Variants in IKBIP observed in about 807,000 individuals in gnomAD.
The protein encoded by IKBIP is IKBKB interacting protein, also known as inhibitor of nuclear factor kappa-B kinase-interacting protein.
IKBIP carries 28 observed loss-of-function variants against 31.0 expected under a neutral mutation model. That is an observed-to-expected ratio of 0.90 (90% CI 0.67 to 1.24). The LOEUF (loss-of-function observed/expected upper bound fraction) is 1.24, where lower values mean the gene tolerates loss of function less well. IKBIP is among the 50% of genes most tolerant of loss of function. IKBIP has a pLI of 0.00. For synonymous variants in IKBIP, 164 were observed against 160.3 expected (o/e 1.02, Z -0.17); for missense variants, 453 against 441.9 (o/e 1.03, Z -0.23).
At chr12:98,639,063 T>C (rs2097628288) in intron 1 of IKBIP, among the ~76,000 whole-genome samples, 1 of 152,076 alleles carries the variant, frequency 6.6e-6, no homozygotes, top group Non-Finnish European at 1.5e-5. Context: ...TTTTTGGAGA[T>C]GGAGTCTCAC....
exon 3 of IKBIP, chr12:98,614,303 G>C (rs777373034): frequency 6.3e-7 from 1 of 1,592,562 alleles, no homozygotes. Context: ...TATTTGAAAA[G>C]ACTTCAATTG....
At chr12:98,633,283 C>G (rs950934204) in intron 2 of IKBIP, among the ~76,000 whole-genome samples, 2 of 152,232 alleles carry the variant, frequency 1.3e-5, no homozygotes, top group African/African-American at 4.8e-5. Context: ...TACATGATGC[C>G]TTATTGATCA....
At chr12:98,622,471 G>T (rs2097610896), downstream of IKBIP, among the ~76,000 whole-genome samples, 1 of 152,130 alleles carries the variant, frequency 6.6e-6, no homozygotes, top group Non-Finnish European at 1.5e-5. Context: ...GTGGTGAGCA[G>T]TGCTCACGCC....
At chr12:98,629,485 A>G (rs1229073093) in intron 2 of IKBIP, among the ~76,000 whole-genome samples, 1 of 152,096 alleles carries the variant, frequency 6.6e-6, no homozygotes, top group East Asian at 1.9e-4. Flanking sequence ...CTTGAGCCCA[A>G]GAGTTCAGGG....
At chr12:98,613,910 T>C in exon 3 of IKBIP, 4 of 1,613,824 alleles carry the variant, frequency 2.5e-6, no homozygotes, top group Non-Finnish European at 3.4e-6. Flanking sequence ...TAGCGTCTTC[T>C]TAACAGAGTT....
chr12:98,632,182 GT>G (rs1437687573), intron 2 of IKBIP, among the ~76,000 whole-genome samples: 4 of 151,782 alleles, frequency 2.6e-5, no homozygotes, highest in South Asian at 2.1e-4. Flanking sequence ...AATATGTGAA[GT>G]TTTGGCAAGG....
chr12:98,625,966 A>G lies in IKBIP; in HGVS notation c.1098T>C (p.Tyr366=). The G allele has an allele frequency of 2.1e-6, 3 of 1,431,400 alleles. No individual in the cohort carries two copies. The highest frequency in any genetic ancestry group is 1.9e-6 in the Non-Finnish European group (2 of 1,070,190). 88.7% of individuals were successfully genotyped at this position (1,431,400 alleles called of 1,614,324 possible). ...STGEKGTLKE[Y]NIENKGIGGD... ...CACCAATTCCTTTATTTTCTATATT[A>G]TATTCTTTTAAAGTTCCCTTTTCTC... The change falls in exon 3 of 3, where the codon TAT becomes TAC. Residue 366 remains tyrosine (Y), a synonymous_variant. Transcript: ENST00000299157.
chr12:98,637,802 C>T (rs1452121845), intron 1 of IKBIP, among the ~76,000 whole-genome samples: 1 of 152,166 alleles, frequency 6.6e-6, no homozygotes, highest in Non-Finnish European at 1.5e-5. Flanking sequence ...CCTCCACCTC[C>T]CAGGTTCAAG....
chr12:98,622,413 C>T (rs541445740), downstream of IKBIP, among the ~76,000 whole-genome samples: 12 of 152,084 alleles, frequency 7.9e-5, no homozygotes, highest in East Asian at 1.6e-3. Flanking sequence ...TCCCAGCAAT[C>T]GGAGGAGCTG....
At chr12:98,643,250 C>G (rs1033781734) in intron 1 of IKBIP, among the ~76,000 whole-genome samples, 2 of 152,156 alleles carry the variant, frequency 1.3e-5, no homozygotes, top group Non-Finnish European at 2.9e-5. Context: ...CGCGCCCAGC[C>G]GTAACAAATC....
downstream of IKBIP, among the ~76,000 whole-genome samples, chr12:98,619,621 C>A (rs922551598): frequency 6.6e-6 from 1 of 152,050 alleles, no homozygotes; most frequent in Non-Finnish European, 1.5e-5. Context: ...GAAAACAGCA[C>A]ATCAGTGAAG....
chr12:98,617,852 TG>T (rs2097607122), intron 2 of IKBIP, among the ~76,000 whole-genome samples: 1 of 152,258 alleles, frequency 6.6e-6, no homozygotes, highest in South Asian at 2.1e-4. Context: ...ATTTGACTTT[TG>T]CATATTTAAC....
At chr12:98,637,080 C>T (rs1378384519) in intron 1 of IKBIP, among the ~76,000 whole-genome samples, 3 of 152,150 alleles carry the variant, frequency 2.0e-5, no homozygotes, top group Non-Finnish European at 4.4e-5. Context: ...ACAAAAAATA[C>T]ATTAATGAAC....
Position 98,625,125 on chromosome 12 carries a change from G to A in IKBIP, c.*805C>T. ...GGCCTATTTAAGTAAACCATCTAGA[G>A]ACCATGGATCTAGCAAACTCATGTC... On this transcript the variant is annotated 3_prime_UTR_variant, in exon 3 of 3. Coordinates refer to ENST00000299157, the MANE Select transcript of IKBIP (RefSeq NM_153687.4). 1.0e-6 allele frequency: 1 copy of A among 985,110 alleles called. No individual in the cohort carries two copies. The highest frequency in any genetic ancestry group is 1.2e-6 in the Non-Finnish European group (1 of 829,718). 61.0% of individuals were successfully genotyped at this position (985,110 alleles called of 1,614,324 possible).
chr12:98,639,359 A>G (rs915944029), intron 1 of IKBIP, among the ~76,000 whole-genome samples: 1 of 152,216 alleles, frequency 6.6e-6, no homozygotes, highest in Non-Finnish European at 1.5e-5. Context: ...GGTTGTGTTT[A>G]TGGCAAATGA....
chr12:98,624,835 C>CAATAAAT lies in IKBIP; in HGVS notation c.*1094_*1095insATTTATT. 1.4e-6 allele frequency: 1 copy of CAATAAAT among 731,982 alleles called. No homozygotes were observed. Among genetic ancestry groups the CAATAAAT allele is most frequent in the Non-Finnish European group, 1.7e-6 (1 of 598,858 alleles). 45.3% of individuals were successfully genotyped at this position (731,982 alleles called of 1,614,324 possible). On this transcript the variant is annotated 3_prime_UTR_variant, in exon 3 of 3. Transcript: ENST00000299157. ...TTATTTATTTATTGAGACAGAGTCTCACTTTGCCACTCAGGCTGGAGTGCA... is the reference window on the plus strand; with the variant it reads ...TTATTTATTTATTGAGACAGAGTCTCAATAAATACTTTGCCACTCAGGCTGGAGTGCA...
Position 98,625,823 on chromosome 12 carries a change from T to C in IKBIP, c.*107A>G, listed in dbSNP as rs1253025376. The C allele has an allele frequency of 1.1e-6, 1 of 946,764 alleles. No individual in the cohort carries two copies. Among genetic ancestry groups the C allele is most frequent in the South Asian group, 4.2e-5 (1 of 23,552 alleles). The allele number at this position is 946,764 out of a possible 1,614,324, so 58.6% of individuals were successfully genotyped here. ...TCCATTTGTGTGGACATCTCATTTA[T>C]TTTCCAATAATGTAGGATAAGATGA... On this transcript the variant is annotated 3_prime_UTR_variant, in exon 3 of 3. Transcript: ENST00000299157.
rs199777257 is a variant in IKBIP at position 98,626,451 on chromosome 12, A to T, written c.613T>A (p.Leu205Met). The stretch of plus-strand genomic sequence containing the variant: ...ATATTTCTTAGTGTGCTATCTTCCA[A>T]ATCTTTTAGCCGTTCAGTGAGCAAT... ...IKLLTERLKD[L>M]EDSTLRNIRT... The change falls in exon 3 of 3, where the codon TTG becomes ATG. Residue 205 changes from leucine (L) to methionine (M), a missense_variant. Leu to Met is a conservative substitution (Grantham distance 15). Coordinates refer to ENST00000299157, the MANE Select transcript of IKBIP (RefSeq NM_153687.4). 1.4e-4 allele frequency: 231 copies of T among 1,613,270 alleles called. No homozygotes were observed. The highest frequency in any genetic ancestry group is 1.9e-4 in the Non-Finnish European group (227 of 1,180,008).
At chr12:98,639,015 G>A (rs1466761228) in intron 1 of IKBIP, among the ~76,000 whole-genome samples, 2 of 152,118 alleles carry the variant, frequency 1.3e-5, no homozygotes, top group African/African-American at 2.4e-5. Context: ...TAGCACATCA[G>A]CTATTTCCTT....
Sources: allele counts gnomAD v4.1 joint callset (sites outside exome capture counted in the v4.1 genomes callset), GRCh38; gene constraint gnomAD v4.1.1; transcripts MANE v1.5; gene names NCBI Gene and HGNC (gene_info 2026-07-23, HGNC 2026-07-21).